THOC1: variants seen among roughly 807,000 people sequenced by gnomAD.
The protein encoded by THOC1 is THO complex subunit 1.
Under a neutral mutation model 97.3 loss-of-function variants are expected in THOC1, and 29 were observed. The ratio of observed to expected loss-of-function variants is 0.30; its 90% CI spans 0.22 to 0.41. The LOEUF (loss-of-function observed/expected upper bound fraction) is 0.41. Among genes scored for constraint, THOC1 ranks in the 10% least tolerant of loss-of-function variants. The probability of loss-of-function intolerance (pLI) is 1.00; values close to 1 mark genes in which losing one functional copy is unlikely to be tolerated. For synonymous variants in THOC1, 255 were observed against 257.0 expected (o/e 0.99, Z 0.07); for missense variants, 529 against 761.9 (o/e 0.69, Z 3.60).
At chr18:265,937 T>C (rs527739401) in intron 1 of THOC1, among the ~76,000 whole-genome samples, 1 of 152,322 alleles carries the variant, frequency 6.6e-6, no homozygotes, top group African/African-American at 2.4e-5. Flanking sequence ...CCCTAACACA[T>C]ACTTTGCACT....
chr18:256,683 T>G (rs1567856072), intron 7 of THOC1, among the ~76,000 whole-genome samples: 1 of 152,152 alleles, frequency 6.6e-6, no homozygotes, highest in Non-Finnish European at 1.5e-5. Flanking sequence ...ATTTTTTATT[T>G]TTTTTCTGAG....
intron 11 of THOC1, among the ~76,000 whole-genome samples, chr18:235,101 GAGA>G (rs1911630315): frequency 1.4e-5 from 1 of 71,926 alleles, no homozygotes. Flanking sequence ...TTTTTTTTTT[GAGA>G]GTCTATTTCG....
intron 20 of THOC1, 143 bp from the exon 21 acceptor site, chr18:215,064 G>T: frequency 1.4e-6 from 1 of 738,592 alleles, no homozygotes; most frequent in Non-Finnish European, 2.2e-6. Flanking sequence ...TTCTCCGTAA[G>T]TTGAATACCA....
intron 11 of THOC1, among the ~76,000 whole-genome samples, chr18:240,957 A>T (rs2143230252): frequency 6.6e-6 from 1 of 152,220 alleles, no homozygotes; most frequent in East Asian, 1.9e-4. Context: ...ATCCCTCATG[A>T]TCAGTTTACA....
At chr18:222,992 A>G (rs2143159522) in intron 17 of THOC1, among the ~76,000 whole-genome samples, 1 of 152,042 alleles carries the variant, frequency 6.6e-6, no homozygotes, top group South Asian at 2.1e-4. Context: ...CATCGTTTCT[A>G]ACTCTGCTCC....
rs34855030 is a variant in THOC1, at chr18:221,664, A to G, written c.1370+1776T>C. On this transcript the variant is annotated intron_variant, in intron 17 of 20. Coordinates refer to ENST00000261600, the MANE Select transcript of THOC1 (RefSeq NM_005131.3). ...CGCTCTGTCGCCCAGGCTGGAGTGC[A>G]GTGGTGCGATCTCGACTCACTGCAA... Among the ~76,000 whole-genome samples the G allele has an allele frequency of 4.5e-4, 61 of 134,878 alleles. No individual in the cohort carries two copies. In the South Asian group the frequency reaches 7.0e-3, roughly 16 times the overall value. The allele number at this position is 134,878 out of a possible 152,430, so 88.5% of individuals were successfully genotyped here. A position where few individuals can be genotyped will look rare whatever the true frequency, so the allele number is the denominator to read the frequency against.
chr18:240,203 C>T (rs1911850536), intron 11 of THOC1, among the ~76,000 whole-genome samples: 1 of 152,182 alleles, frequency 6.6e-6, no homozygotes, highest in Non-Finnish European at 1.5e-5. Flanking sequence ...CTCTGCTAAG[C>T]CTTTCAGACT....
intron 9 of THOC1, among the ~76,000 whole-genome samples, chr18:249,955 A>G (rs769836230): frequency 6.6e-6 from 1 of 152,180 alleles, no homozygotes; most frequent in African/African-American, 2.4e-5. Context: ...AGAGAATGAG[A>G]CTCATGCAAC....
At chr18:233,824 T>C (rs1401021684) in intron 11 of THOC1, among the ~76,000 whole-genome samples, 1 of 152,180 alleles carries the variant, frequency 6.6e-6, no homozygotes, top group African/African-American at 2.4e-5. Flanking sequence ...TGCTTTTCCA[T>C]AGAAATAGTA....
In THOC1 at chr18:247,861, T is replaced by C. The variant is rs1173878862; in HGVS notation, c.774A>G (p.Lys258=). 2 of 1,606,836 alleles carry C rather than the reference T, an allele frequency of 1.2e-6. No individual in the cohort carries two copies. Among genetic ancestry groups the C allele is most frequent in the Non-Finnish European group, 1.7e-6 (2 of 1,177,484 alleles). ...PVQCYEKISW[K]TFLKYSEEVL... Reference sequence around the variant, plus strand: ...AATGGCAACTTACCTTGAGAAAAGTTTTCCATGAAATCTTCTCATAGCATT... The same window carrying C: ...AATGGCAACTTACCTTGAGAAAAGTCTTCCATGAAATCTTCTCATAGCATT... The change falls in exon 10 of 21, where the codon AAA becomes AAG. Residue 258 remains lysine, a synonymous_variant. Transcript: ENST00000261600.
chr18:222,952 T>C (rs1291319867), intron 17 of THOC1, among the ~76,000 whole-genome samples: 2 of 151,746 alleles, frequency 1.3e-5, no homozygotes, highest in Non-Finnish European at 2.9e-5. Flanking sequence ...CCATCAGATG[T>C]TTGCTGGACC....
chr18:229,967 C>T (rs1911428635), intron 11 of THOC1, among the ~76,000 whole-genome samples: 1 of 152,080 alleles, frequency 6.6e-6, no homozygotes, highest in Admixed American at 6.6e-5. Context: ...TTTGAATTAC[C>T]ATTTATAAAC....
Position 216,641 on chromosome 18 carries a change from AAG to A in THOC1, c.1455-10_1455-9del. The stretch of plus-strand genomic sequence containing the variant: ...TTTGAATTGTTCACAGCCCTATAAA[AAG>A]AGGTGTCAGGCTTGTAATTTATAGC... On this transcript the variant is annotated splice_polypyrimidine_tract_variant and intron_variant, in intron 18 of 20. Coordinates refer to ENST00000261600, the MANE Select transcript of THOC1 (RefSeq NM_005131.3). 2 of 1,608,922 alleles carry A rather than the reference AAG, an allele frequency of 1.2e-6. No homozygotes were observed. The highest frequency in any genetic ancestry group is 1.7e-6 in the Non-Finnish European group (2 of 1,177,572).
At chr18:218,296 T>C (rs899972771) in intron 18 of THOC1, among the ~76,000 whole-genome samples, 3 of 152,180 alleles carry the variant, frequency 2.0e-5, no homozygotes, top group Admixed American at 6.5e-5. Context: ...ATCGAACCTA[T>C]GCATTCTGAC....
At chr18:228,671 C>T (rs1911380589) in intron 11 of THOC1, among the ~76,000 whole-genome samples, 1 of 152,144 alleles carries the variant, frequency 6.6e-6, no homozygotes, top group South Asian at 2.1e-4. Context: ...ACACTTGTCC[C>T]ATATTTCTTC....
intron 3 of THOC1, among the ~76,000 whole-genome samples, chr18:264,327 C>A (rs1431269962): frequency 6.6e-6 from 1 of 152,174 alleles, no homozygotes; most frequent in Non-Finnish European, 1.5e-5. Context: ...ATCCAATGGT[C>A]TCAAGAAAAT....
chr18:222,863 T>C (rs895221488), intron 17 of THOC1, among the ~76,000 whole-genome samples: 5 of 152,160 alleles, frequency 3.3e-5, no homozygotes, highest in African/African-American at 9.6e-5. Flanking sequence ...ATTATACTTC[T>C]TGAACCTATG....
chr18:224,588 A>T (rs969081804), intron 15 of THOC1, among the ~76,000 whole-genome samples: 6 of 152,106 alleles, frequency 3.9e-5, no homozygotes, highest in Non-Finnish European at 5.9e-5. Flanking sequence ...CAAAAAAAAA[A>T]AAAAAATGAA....
At chr18:227,164 G>A (rs984839563) in intron 11 of THOC1, among the ~76,000 whole-genome samples, 1 of 152,006 alleles carries the variant, frequency 6.6e-6, no homozygotes, top group Admixed American at 6.6e-5. Context: ...CCAGACATGA[G>A]GATAAAATAA....
Sources: allele counts gnomAD v4.1 joint callset (sites outside exome capture counted in the v4.1 genomes callset), GRCh38; gene constraint gnomAD v4.1.1; transcripts MANE v1.5; gene names NCBI Gene and HGNC (gene_info 2026-07-23, HGNC 2026-07-21).